Variants in MTARC1 observed in about 807,000 individuals in gnomAD.
The protein encoded by MTARC1 is mitochondrial amidoxime-reducing component 1.
MTARC1 carries 24 observed loss-of-function variants against 33.6 expected under a neutral mutation model. The observed-to-expected ratio is 0.72, with a 90% confidence interval of 0.52 to 1.01. MTARC1 has a LOEUF of 1.01. Ranked by LOEUF, MTARC1 falls within the 50% of genes least tolerant of loss-of-function variation. The pLI, the probability that MTARC1 is intolerant of heterozygous loss-of-function variation, is 0.00. For synonymous variants in MTARC1, 187 were observed against 189.5 expected (o/e 0.99, Z 0.11); for missense variants, 417 against 445.7 (o/e 0.94, Z 0.58).
intron 4 of MTARC1, chr1:220,799,271 A>G (rs143018364): frequency 1.3e-6 from 1 of 767,354 alleles, no homozygotes; most frequent in African/African-American, 1.9e-5. Context: ...AGAACTTCCT[A>G]GTGTGAGGCG....
At chr1:220,799,788 C>T (rs562981708) in intron 4 of MTARC1, among the ~76,000 whole-genome samples, 29 of 152,148 alleles carry the variant, frequency 1.9e-4, no homozygotes, top group Admixed American at 5.2e-4. Flanking sequence ...CACCTGCTTC[C>T]GCAAGTGACC....
At chr1:220,789,463 T>A (rs201287746) in intron 1 of MTARC1, among the ~76,000 whole-genome samples, 3 of 27,644 alleles carry the variant, frequency 1.1e-4, no homozygotes, top group Admixed American at 6.6e-4. Flanking sequence ...ACAAAAAAAA[T>A]CTCATAATGT....
chr1:220,796,886 G>T (rs1301020594), intron 3 of MTARC1, 81 bp downstream of exon 3: 1 of 1,431,428 alleles, frequency 7.0e-7, no homozygotes, highest in Non-Finnish European at 9.3e-7. Context: ...TGATGACCTC[G>T]GCTCTGTTGT....
chr1:220,810,205 A>C (rs1349073277), intron 6 of MTARC1, among the ~76,000 whole-genome samples: 1 of 152,236 alleles, frequency 6.6e-6, no homozygotes, highest in African/African-American at 2.4e-5. Flanking sequence ...GAAAAGTCAC[A>C]TATTTAAAAA....
chr1:220,803,191 C>G (rs1571675967), intron 4 of MTARC1, among the ~76,000 whole-genome samples: 3 of 152,320 alleles, frequency 2.0e-5, no homozygotes, highest in South Asian at 4.1e-4. Context: ...AAAGGCACGT[C>G]TTACATGGTG....
At chr1:220,791,429 C>A (rs1672415436) in intron 1 of MTARC1, 62 bp from the exon 2 acceptor site, 2 of 1,561,556 alleles carry the variant, frequency 1.3e-6, no homozygotes, top group Non-Finnish European at 1.7e-6. Context: ...AATTGAAGCT[C>A]CTCCAGGGTC....
Position 220,815,547 on chromosome 1 carries a change from G to A in MTARC1, c.*2129G>A, listed in dbSNP as rs762330139. The A allele has an allele frequency of 1.3e-5, 2 of 152,200 alleles. No homozygotes were observed. Among genetic ancestry groups the A allele is most frequent in the Non-Finnish European group, 2.9e-5 (2 of 68,044 alleles). The allele number at this position is 152,200 out of a possible 1,614,324, so 9.4% of individuals were successfully genotyped here. Reference sequence around the variant, plus strand: ...GCCTCACAGTGTGAGGAAGATTCCTGTTTGAAGAGAGAAGTTCCAGTGACC... The same window carrying A: ...GCCTCACAGTGTGAGGAAGATTCCTATTTGAAGAGAGAAGTTCCAGTGACC... On this transcript the variant is annotated 3_prime_UTR_variant, in exon 7 of 7. Transcript: ENST00000366910.
At position 220,786,998 on chromosome 1, in the gene MTARC1, C is replaced by G. The variant is rs1176811630; in HGVS notation, c.54C>G (p.Ser18=). Residue 18 remains serine, a synonymous_variant, in exon 1 of 7, where the codon TCC becomes TCG. Transcript: ENST00000366910. The part of the protein sequence containing the change: ...ALARFVLLAQ[S]RPGWLGVAAL... Reference sequence around the variant, plus strand: ...CGCGCTTTGTCCTCCTCGCGCAATCCCGGCCCGGGTGGCTCGGGGTTGCCG... The same window carrying G: ...CGCGCTTTGTCCTCCTCGCGCAATCGCGGCCCGGGTGGCTCGGGGTTGCCG... 7.7e-7 allele frequency: 1 copy of G among 1,294,964 alleles called. No homozygotes were observed. The highest frequency in any genetic ancestry group is 9.7e-7 in the Non-Finnish European group (1 of 1,028,956). 80.2% of individuals were successfully genotyped at this position (1,294,964 alleles called of 1,614,324 possible). A position where few individuals can be genotyped will look rare whatever the true frequency, so the allele number is the denominator to read the frequency against.
At chr1:220,794,322 G>A (rs1672533705) in intron 2 of MTARC1, 1 of 150,912 alleles carries the variant, frequency 6.6e-6, no homozygotes, top group African/African-American at 2.4e-5. Flanking sequence ...ACAAGGAGAT[G>A]ACCTTCAAGG....
At chr1:220,800,962 G>A (rs970681848) in intron 4 of MTARC1, among the ~76,000 whole-genome samples, 12 of 151,774 alleles carry the variant, frequency 7.9e-5, no homozygotes, top group Non-Finnish European at 1.3e-4. Flanking sequence ...GGCTTCACTG[G>A]CCTCCTTGCC....
intron 4 of MTARC1, among the ~76,000 whole-genome samples, chr1:220,801,697 G>C (rs1351439833): frequency 6.6e-6 from 1 of 152,114 alleles, no homozygotes; most frequent in Non-Finnish European, 1.5e-5. Context: ...TGGCCAGGGA[G>C]TGACTGAATC....
In MTARC1 at chr1:220,819,097, C is replaced by T. The variant is rs1673335373; in HGVS notation, c.*5679C>T. 1 of 152,146 alleles carries T rather than the reference C, an allele frequency of 6.6e-6. No homozygotes were observed. Among genetic ancestry groups the T allele is most frequent in the Admixed American group, 6.5e-5 (1 of 15,280 alleles). 9.4% of individuals were successfully genotyped at this position (152,146 alleles called of 1,614,324 possible). A position where few individuals can be genotyped will look rare whatever the true frequency, so the allele number is the denominator to read the frequency against. On this transcript the variant is annotated 3_prime_UTR_variant, in exon 7 of 7. Transcript: ENST00000366910. ...GAGGTTCTTCTGTGGCCAGAGTTGC[C>T]AAGACCAAGGCTGTAATGGTTTGTT...
intron 6 of MTARC1, among the ~76,000 whole-genome samples, chr1:220,806,382 T>A (rs1465212536): frequency 6.6e-6 from 1 of 152,146 alleles, no homozygotes; most frequent in African/African-American, 2.4e-5. Flanking sequence ...CAGGTGTATC[T>A]TGTAGAAGGG....
intron 2 of MTARC1, chr1:220,793,223 T>G (rs922732881): frequency 6.6e-6 from 1 of 152,224 alleles, no homozygotes; most frequent in African/African-American, 2.4e-5. Flanking sequence ...TTTAAATACT[T>G]ATATTGCAAT....
At position 220,786,982 on chromosome 1, in the gene MTARC1, TC is replaced by T; in HGVS notation, c.40del (p.Leu14SerfsTer17). On this transcript the variant is annotated frameshift_variant, in exon 1 of 7. Transcript: ENST00000366910. LOFTEE classifies it high-confidence loss of function. ...GGCTCCTCCGCGCTGGCGCGCTTTG[TC>T]CTCCTCGCGCAATCCCGGCCCGGGT... ...AAGSSALARF[V>X]LLAQSRPGWL... The T allele has an allele frequency of 7.8e-7, 1 of 1,275,746 alleles. No individual in the cohort carries two copies. Among genetic ancestry groups the T allele is most frequent in the Non-Finnish European group, 9.8e-7 (1 of 1,017,276 alleles). The allele number at this position is 1,275,746 out of a possible 1,614,324, so 79.0% of individuals were successfully genotyped here.
In MTARC1 at chr1:220,796,759, C is replaced by G. The variant is rs150126154; in HGVS notation, c.566C>G (p.Pro189Arg). The G allele has an allele frequency of 6.2e-7, 1 of 1,612,634 alleles. No individual in the cohort carries two copies. Among genetic ancestry groups the G allele is most frequent in the Non-Finnish European group, 8.5e-7 (1 of 1,179,424 alleles). Residue 189 changes from proline (P) to arginine (R), a missense_variant, in exon 3 of 7, where the codon CCG (proline) becomes CGG (arginine). Physicochemically the swap from Pro to Arg is moderately radical, Grantham distance 103. Transcript: ENST00000366910. ...RLVHFEPHMR[P>R]RRPHQIADLF... ...GTGCACTTCGAGCCTCACATGCGAC[C>G]GAGACGTCCTCATCAAATAGCAGAC...
intron 6 of MTARC1, among the ~76,000 whole-genome samples, chr1:220,805,723 G>A (rs979303826): frequency 1.3e-5 from 2 of 152,106 alleles, no homozygotes; most frequent in African/African-American, 4.8e-5. Flanking sequence ...AAGAAAAAAA[G>A]GATAAATGAG....
At position 220,796,817 on chromosome 1, in the gene MTARC1, T is replaced by C. The variant is rs1395914138; in HGVS notation, c.612+12T>C. ...GACCCAAGGACCAGGTGAGAGGTTC[T>C]GCTGCCTCCATGGGTAGAAAGCAGT... On this transcript the variant is annotated intron_variant, in intron 3 of 6. Coordinates refer to ENST00000366910, the MANE Select transcript of MTARC1 (RefSeq NM_022746.4). 6.3e-7 allele frequency: 1 copy of C among 1,595,350 alleles called. No homozygotes were observed. Among genetic ancestry groups the C allele is most frequent in the African/African-American group, 1.3e-5 (1 of 74,138 alleles).
rs1355834906 is a variant in MTARC1 at position 220,791,602 on chromosome 1, C to G, written c.387C>G (p.Ala129=). 6.2e-7 allele frequency: 1 copy of G among 1,614,164 alleles called. No individual in the cohort carries two copies. Among genetic ancestry groups the G allele is most frequent in the South Asian group, 1.1e-5 (1 of 91,080 alleles). Residue 129 remains alanine, a synonymous_variant, in exon 2 of 7, where the codon GCC becomes GCG. Transcript: ENST00000366910. ...CDGDTLTLSA[A]YTKDLLLPIK... ...GTGACACCCTGACTCTCAGTGCAGC[C>G]TACACAAAGGACCTACTACTGCCTA... is the stretch of plus-strand genomic sequence containing the variant.
Sources: gnomAD v4.1 joint callset for allele counts (sites outside exome capture counted in the v4.1 genomes callset) on GRCh38, gnomAD v4.1.1 for gene constraint, MANE v1.5 for transcripts, NCBI Gene and HGNC (gene_info 2026-07-23, HGNC 2026-07-21) for gene names.